Variants in CBFA2T3 observed in about 807,000 individuals in gnomAD.
CBFA2T3 encodes the protein transcriptional corepressor CBFA2T3.
In CBFA2T3, 31 loss-of-function variants were observed where a neutral mutation model predicts 58.6. That is an observed-to-expected ratio of 0.53 (90% CI 0.40 to 0.71). The LOEUF (loss-of-function observed/expected upper bound fraction) is 0.71. CBFA2T3 is among the 30% of genes least tolerant of loss of function. The pLI is 0.00. For synonymous variants in CBFA2T3, 531 were observed against 421.9 expected, an observed-to-expected ratio of 1.26 and a Z score of -3.17; for missense variants, 1,076 against 963.1, an observed-to-expected ratio of 1.12 and a Z score of -1.55.
At chr16:88,916,429 C>A (rs1005454750) in intron 1 of CBFA2T3, among the ~76,000 whole-genome samples, 14 of 151,832 alleles carry the variant, frequency 9.2e-5, no homozygotes, top group African/African-American at 3.4e-4. Context: ...TGGCTGTGTC[C>A]GTGTGTGTGT....
At chr16:88,960,711 C>T (rs1390797690) in intron 1 of CBFA2T3, among the ~76,000 whole-genome samples, 1 of 152,236 alleles carries the variant, frequency 6.6e-6, no homozygotes, top group African/African-American at 2.4e-5. Context: ...AGGTACCAGA[C>T]AGTGTCGTTG....
rs1052144713 is a variant in CBFA2T3, at chr16:88,877,398, AG to A, written c.1663-124del. The A allele has an allele frequency of 5.6e-5, 42 of 746,534 alleles. No homozygotes were observed. In the African/African-American group the frequency reaches 6.7e-4, roughly 12 times the overall value. 46.2% of individuals were successfully genotyped at this position (746,534 alleles called of 1,614,324 possible). ...CCAGGTGAGAAGAGAGAAACTCCAA[AG>A]CCCCACAGCCCTCGGGCCATGCTCC... On this transcript the variant is annotated intron_variant, in intron 11 of 11. Transcript: ENST00000268679.
chr16:88,888,735 C>T (rs889139824), intron 5 of CBFA2T3, among the ~76,000 whole-genome samples: 11 of 151,570 alleles, frequency 7.3e-5, no homozygotes, highest in African/African-American at 2.7e-4. Context: ...TTTGAATCCT[C>T]CTGGCCTCCC....
At chr16:88,888,122 C>A (rs79206121) in intron 5 of CBFA2T3, among the ~76,000 whole-genome samples, 4,733 of 152,078 alleles carry the variant, frequency 0.031, 222 homozygotes, top group African/African-American at 0.11. Context: ...CCCACCACCC[C>A]GTGAGGGAGA....
At chr16:88,926,079 CG>C (rs1423787076) in intron 1 of CBFA2T3, among the ~76,000 whole-genome samples, 2 of 152,188 alleles carry the variant, frequency 1.3e-5, no homozygotes, top group African/African-American at 4.8e-5. Flanking sequence ...ACTTGGTGGG[CG>C]CTGGGCGGTC....
At chr16:88,894,960 G>A (rs1291122638) in intron 3 of CBFA2T3, among the ~76,000 whole-genome samples, 2 of 152,294 alleles carry the variant, frequency 1.3e-5, no homozygotes, top group East Asian at 3.9e-4. Flanking sequence ...GATGGTGGGG[G>A]GTCTTGGTGT....
At chr16:88,954,158 G>T (rs1193746722) in intron 1 of CBFA2T3, among the ~76,000 whole-genome samples, 1 of 152,052 alleles carries the variant, frequency 6.6e-6, no homozygotes, top group Non-Finnish European at 1.5e-5. Context: ...TGACCACAGT[G>T]GGCTCCCCCA....
intron 1 of CBFA2T3, chr16:88,941,033 G>C: frequency 5.1e-6 from 5 of 984,422 alleles, no homozygotes; most frequent in Non-Finnish European, 6.0e-6. Context: ...CGGGGGGTCC[G>C]GGGGATCCGG....
At position 88,906,209 on chromosome 16, in the gene CBFA2T3, G is replaced by A. The variant is rs534031761; in HGVS notation, c.152-4553C>T. On this transcript the variant is annotated intron_variant, in intron 1 of 11. Transcript: ENST00000268679. Reference sequence around the variant, plus strand: ...AAGGCCAACTGCAGGCTCCTCTCCAGGCTAAGACACCGCTAGACAGGGGCA... The same window carrying A: ...AAGGCCAACTGCAGGCTCCTCTCCAAGCTAAGACACCGCTAGACAGGGGCA... Among the ~76,000 whole-genome samples the A allele has an allele frequency of 7.2e-5, 11 of 152,260 alleles. 1 individual carries two copies. Among genetic ancestry groups the A allele is most frequent in the African/African-American group, 2.6e-4 (11 of 41,554 alleles).
At chr16:88,879,649 CAG>C in intron 10 of CBFA2T3, 189 bp from the exon 11 acceptor site, 3 of 576,520 alleles carry the variant, frequency 5.2e-6, no homozygotes, top group Non-Finnish European at 9.4e-6. Flanking sequence ...TGTGCACACA[CAG>C]ACACACGTTG....
chr16:88,916,858 C>T (rs1335370645), intron 1 of CBFA2T3, among the ~76,000 whole-genome samples: 2 of 152,020 alleles, frequency 1.3e-5, no homozygotes, highest in African/African-American at 4.8e-5. Flanking sequence ...ATATTGGTTA[C>T]TAGACAGGCG....
intron 1 of CBFA2T3, chr16:88,902,663 G>A (rs973188835): frequency 2.6e-5 from 4 of 152,298 alleles, no homozygotes; most frequent in Non-Finnish European, 4.4e-5. Flanking sequence ...TCTGCAGGGG[G>A]TGCGGGTGTA....
intron 3 of CBFA2T3, among the ~76,000 whole-genome samples, chr16:88,897,205 G>A (rs919813006): frequency 3.9e-5 from 6 of 152,248 alleles, no homozygotes; most frequent in Non-Finnish European, 7.3e-5. Flanking sequence ...AAGAGCCACT[G>A]TCCAGGAGCT....
At chr16:88,877,472 C>G (rs913328170) in intron 11 of CBFA2T3, among the ~76,000 whole-genome samples, 197 bp from the exon 12 acceptor site, 1 of 152,208 alleles carries the variant, frequency 6.6e-6, no homozygotes, top group Non-Finnish European at 1.5e-5. Flanking sequence ...ATCCCACTAC[C>G]GTGTCTCACG....
At position 88,891,943 on chromosome 16, in the gene CBFA2T3, T is replaced by C; in HGVS notation, c.650A>G (p.His217Arg). The change falls in exon 5 of 12, where the codon CAT (histidine) becomes CGT (arginine). Residue 217 changes from histidine to arginine, a missense_variant. Physicochemically the swap from His to Arg is conservative, Grantham distance 29. Coordinates refer to ENST00000268679, the MANE Select transcript of CBFA2T3 (RefSeq NM_005187.6). Reference protein sequence around the residue: ...VNSTLTIEEFHSKLQEATNFP... With the variant: ...VNSTLTIEEFRSKLQEATNFP... ...GTTGGTGGCCTCCTGAAGCTTGGAA[T>C]GAAACTCCTCGATCGTCAATGTCGA... 1 of 1,613,378 alleles carries C rather than the reference T, an allele frequency of 6.2e-7. No homozygotes were observed. The highest frequency in any genetic ancestry group is 8.5e-7 in the Non-Finnish European group (1 of 1,179,864).
chr16:88,930,716 C>T (rs1597744766), intron 1 of CBFA2T3, among the ~76,000 whole-genome samples: 1 of 55,912 alleles, frequency 1.8e-5, no homozygotes, highest in African/African-American at 6.8e-5. Flanking sequence ...AGACTGGGGG[C>T]TGGGGGTGGA....
In CBFA2T3 at chr16:88,881,152, C is replaced by T. The variant is rs771526908; in HGVS notation, c.1402+139G>A. ...TGGCAGACCAGCCCGTGTTTTCCTA[C>T]AAAGTGAAAAAGGTGCCTCTTTCTC... is the stretch of plus-strand genomic sequence containing the variant. On this transcript the variant is annotated intron_variant, in intron 9 of 11. Transcript: ENST00000268679. The T allele has an allele frequency of 7.2e-6, 6 of 835,178 alleles. No individual in the cohort carries two copies. In the Admixed American group the frequency reaches 9.7e-5, roughly 14 times the overall value. The allele number at this position is 835,178 out of a possible 1,614,324, so 51.7% of individuals were successfully genotyped here.
chr16:88,885,432 C>T lies in CBFA2T3; in HGVS notation c.894-163G>A, dbSNP rs550494820. Among the ~76,000 whole-genome samples, 2 of 152,190 alleles carry T rather than the reference C, an allele frequency of 1.3e-5. No individual in the cohort carries two copies. Among genetic ancestry groups the T allele is most frequent in the East Asian group, 1.9e-4 (1 of 5,170 alleles). ...AACACCAGCCCCGGGAAGCCCAGCC[C>T]GGCGCCCCCACTCTCTGCCCCTCTG... On this transcript the variant is annotated intron_variant, in intron 6 of 11. Transcript: ENST00000268679. The surrounding 1 kb of genome is among the most constrained non-coding windows in gnomAD (Gnocchi z 5.3).
intron 1 of CBFA2T3, among the ~76,000 whole-genome samples, chr16:88,973,681 C>A (rs1972714435): frequency 1.3e-5 from 2 of 152,156 alleles, no homozygotes; most frequent in South Asian, 4.1e-4. Flanking sequence ...GACAGCTGGG[C>A]CTGGATGGCC....
Sources: allele counts gnomAD v4.1 joint callset (sites outside exome capture counted in the v4.1 genomes callset), GRCh38; gene constraint gnomAD v4.1.1; non-coding constraint Gnocchi (gnomAD v3.1); transcripts MANE v1.5; gene names NCBI Gene and HGNC (gene_info 2026-07-23, HGNC 2026-07-21).